The following TRAPPC9 variants were observed in gnomAD, a reference collection of about 807,000 sequenced individuals.
TRAPPC9 encodes IKK2 binding protein.
A neutral mutation model predicts 124.0 loss-of-function variants in TRAPPC9; 83 were observed. That is an observed-to-expected ratio of 0.67 (90% CI 0.56 to 0.80). TRAPPC9 has a LOEUF of 0.80. TRAPPC9 is among the 30% of genes least tolerant of loss of function. The pLI is 0.00. For missense variants in TRAPPC9, 1,302 were observed against 1,508.3 expected (o/e 0.86, Z 2.27); for synonymous variants, 638 against 617.5 (o/e 1.03, Z -0.49).
chr8:140,382,963 A>C (rs1225518476), intron 7 of TRAPPC9, among the ~76,000 whole-genome samples: 2 of 152,210 alleles, frequency 1.3e-5, no homozygotes, highest in Non-Finnish European at 2.9e-5. Context: ...TCTAAGACGA[A>C]ACTTCCAGAG....
rs1328343676 is a variant in TRAPPC9 at position 139,732,182 on chromosome 8, G to A, written c.3076C>T (p.Pro1026Ser). 2 of 1,594,666 alleles carry A rather than the reference G, an allele frequency of 1.3e-6. No homozygotes were observed. Among genetic ancestry groups the A allele is most frequent in the Non-Finnish European group, 1.7e-6 (2 of 1,175,590 alleles). The part of the protein sequence containing the change: ...LQWDVLVDGQ[P>S]CDREAVAACQ... ...GCCGCCACAGCCTCGCGGTCACATG[G>A]CTGTCCGTCCACCAGCACATCTGTA... is the stretch of plus-strand genomic sequence containing the variant. Residue 1026 changes from proline to serine, a missense_variant, in exon 22 of 23, where the codon CCA (proline) becomes TCA (serine). Pro to Ser is a moderately conservative substitution (Grantham distance 74). Coordinates refer to ENST00000438773, the MANE Select transcript of TRAPPC9 (RefSeq NM_001160372.4).
chr8:140,283,745 G>A, intron 14 of TRAPPC9, 144 bp downstream of exon 14: 2 of 841,694 alleles, frequency 2.4e-6, no homozygotes, highest in Non-Finnish European at 2.0e-6. Context: ...AAAGCGTATT[G>A]ATGTTGCTTA....
intron 21 of TRAPPC9, among the ~76,000 whole-genome samples, chr8:139,836,281 T>C (rs1826343339): frequency 6.6e-6 from 1 of 152,226 alleles, no homozygotes; most frequent in South Asian, 2.1e-4. Flanking sequence ...AGTGCTGGGT[T>C]ACAGGCGTGA....
At chr8:140,418,148 C>A (rs111270008) in intron 5 of TRAPPC9, among the ~76,000 whole-genome samples, 1 of 152,004 alleles carries the variant, frequency 6.6e-6, no homozygotes, top group Admixed American at 6.6e-5. Flanking sequence ...CACCATGGCA[C>A]GTGTATACCT....
chr8:140,019,791 A>G (rs1041845939), intron 18 of TRAPPC9, among the ~76,000 whole-genome samples: 1 of 151,912 alleles, frequency 6.6e-6, no homozygotes, highest in Admixed American at 6.5e-5. Flanking sequence ...ACCTCAGGTG[A>G]TCCGCCTGCC....
intron 21 of TRAPPC9, among the ~76,000 whole-genome samples, chr8:139,743,304 C>T (rs1239800941): frequency 6.6e-6 from 1 of 152,234 alleles, no homozygotes; most frequent in East Asian, 1.9e-4. Context: ...GACCTGGCCC[C>T]ACAACTCTAC....
At chr8:140,088,745 G>A (rs186833784) in intron 17 of TRAPPC9, among the ~76,000 whole-genome samples, 29 of 152,154 alleles carry the variant, frequency 1.9e-4, no homozygotes, top group East Asian at 1.4e-3. Flanking sequence ...CATATCTCTC[G>A]TCATGAATAA....
At chr8:139,920,293 C>T (rs1002923582) in intron 19 of TRAPPC9, among the ~76,000 whole-genome samples, 37 of 152,228 alleles carry the variant, frequency 2.4e-4, no homozygotes, top group African/African-American at 6.8e-4. Context: ...TTGCAGTGAG[C>T]CGAGATCGTG....
intron 9 of TRAPPC9, among the ~76,000 whole-genome samples, chr8:140,359,554 G>C (rs1295301919): frequency 6.6e-6 from 1 of 152,148 alleles, no homozygotes; most frequent in Non-Finnish European, 1.5e-5. Flanking sequence ...TGGAAGGGGG[G>C]ATGGAGTTAC....
chr8:140,271,754 C>G (rs920795829), intron 15 of TRAPPC9, among the ~76,000 whole-genome samples: 1 of 152,190 alleles, frequency 6.6e-6, no homozygotes, highest in African/African-American at 2.4e-5. Flanking sequence ...AGTGCAAACA[C>G]CAAGTAAAGG....
At chr8:140,295,146 C>T (rs759085361) in intron 11 of TRAPPC9, among the ~76,000 whole-genome samples, 3 of 152,106 alleles carry the variant, frequency 2.0e-5, no homozygotes, top group Admixed American at 6.5e-5. Flanking sequence ...TTGACAAGTT[C>T]GTCTCTTTCT....
At chr8:140,120,827 C>T (rs2060974368) in intron 17 of TRAPPC9, among the ~76,000 whole-genome samples, 1 of 150,420 alleles carries the variant, frequency 6.6e-6, no homozygotes, top group Non-Finnish European at 1.5e-5. Flanking sequence ...TAACATCCAT[C>T]CATCCATCCA....
intron 7 of TRAPPC9, among the ~76,000 whole-genome samples, chr8:140,395,963 T>C (rs540780295): frequency 2.0e-5 from 3 of 152,018 alleles, no homozygotes; most frequent in African/African-American, 7.2e-5. Flanking sequence ...CCACGTAGAC[T>C]CCCAAGCACG....
At chr8:140,346,236 G>A (rs1418315933) in intron 9 of TRAPPC9, among the ~76,000 whole-genome samples, 1 of 152,146 alleles carries the variant, frequency 6.6e-6, no homozygotes, top group Non-Finnish European at 1.5e-5. Flanking sequence ...AGCCAACCTC[G>A]GCTTCTCCCA....
intron 20 of TRAPPC9, among the ~76,000 whole-genome samples, chr8:139,891,625 C>T (rs1311721900): frequency 6.6e-6 from 1 of 152,214 alleles, no homozygotes; most frequent in Non-Finnish European, 1.5e-5. Context: ...TTGGCTGCAC[C>T]CTGCTCCCCG....
chr8:140,131,223 G>T (rs2061203246), intron 17 of TRAPPC9, among the ~76,000 whole-genome samples: 1 of 152,078 alleles, frequency 6.6e-6, no homozygotes, highest in Non-Finnish European at 1.5e-5. Context: ...GTTCTTTAGG[G>T]TATATCAGTA....
chr8:139,970,650 A>AGGGT (rs1023381384), intron 19 of TRAPPC9, among the ~76,000 whole-genome samples: 1 of 152,160 alleles, frequency 6.6e-6, no homozygotes, highest in Non-Finnish European at 1.5e-5. Flanking sequence ...GGTGCCTTAC[A>AGGGT]GGGTTATAAT....
At chr8:140,027,617 T>C (rs1840231632) in intron 17 of TRAPPC9, among the ~76,000 whole-genome samples, 1 of 152,148 alleles carries the variant, frequency 6.6e-6, no homozygotes, top group Non-Finnish European at 1.5e-5. Context: ...AGGGGAAATA[T>C]CTAATTTAAC....
intron 15 of TRAPPC9, among the ~76,000 whole-genome samples, chr8:140,263,280 T>C (rs1253166226): frequency 6.6e-6 from 1 of 152,140 alleles, no homozygotes; most frequent in African/African-American, 2.4e-5. Context: ...ACCTTGCACC[T>C]GTTTACCATT....
Sources: gnomAD v4.1 joint callset for allele counts (sites outside exome capture counted in the v4.1 genomes callset) on GRCh38, gnomAD v4.1.1 for gene constraint, MANE v1.5 for transcripts, NCBI Gene and HGNC (gene_info 2026-07-23, HGNC 2026-07-21) for gene names.